Variants in TRMT9B observed in about 807,000 individuals in gnomAD.
TRMT9B encodes tRNA methyltransferase 9B (putative).
Under a neutral mutation model 11.5 loss-of-function variants are expected in TRMT9B, and 16 were observed. That is an observed-to-expected ratio of 1.39 (90% CI 0.94 to 2.11). TRMT9B has a LOEUF of 2.11. TRMT9B is among the 30% of genes most tolerant of loss of function. TRMT9B has a pLI of 0.00. For synonymous variants in TRMT9B, 274 were observed against 192.4 expected (o/e 1.42, Z -3.51); for missense variants, 941 against 553.8 (o/e 1.70, Z -7.02).
At chr8:12,972,208 T>C (rs1264290894) in intron 1 of TRMT9B, among the ~76,000 whole-genome samples, 2 of 152,152 alleles carry the variant, frequency 1.3e-5, no homozygotes, top group Admixed American at 1.3e-4. Flanking sequence ...GCCCCTGTGC[T>C]GAGAGGACAA....
intron 1 of TRMT9B, among the ~76,000 whole-genome samples, chr8:12,969,729 T>G (rs1439357251): frequency 6.6e-6 from 1 of 151,946 alleles, no homozygotes; most frequent in Admixed American, 6.6e-5. Flanking sequence ...TAGAGTGCAC[T>G]GGTACAATCA....
At chr8:12,997,076 G>A (rs977011860) in intron 2 of TRMT9B, among the ~76,000 whole-genome samples, 1 of 151,788 alleles carries the variant, frequency 6.6e-6, no homozygotes, top group Admixed American at 6.6e-5. Context: ...CCAACAGTGT[G>A]TATTCTTTTG....
At chr8:12,946,995 G>A (rs1800301541) in intron 1 of TRMT9B, among the ~76,000 whole-genome samples, 1 of 152,154 alleles carries the variant, frequency 6.6e-6, no homozygotes, top group Admixed American at 6.6e-5. Flanking sequence ...GAAGGGTTTA[G>A]GATTTAGGAG....
chr8:12,951,018 T>C (rs1446689220), intron 1 of TRMT9B, among the ~76,000 whole-genome samples: 1 of 152,188 alleles, frequency 6.6e-6, no homozygotes. Context: ...ACGGAGTTGT[T>C]TGATAATAGG....
At chr8:12,947,007 T>C (rs1304068094) in intron 1 of TRMT9B, among the ~76,000 whole-genome samples, 1 of 152,178 alleles carries the variant, frequency 6.6e-6, no homozygotes, top group Admixed American at 6.5e-5. Context: ...ATTTAGGAGA[T>C]GGCTACTGGG....
chr8:13,003,319 C>T (rs1265240341), intron 2 of TRMT9B, among the ~76,000 whole-genome samples: 1 of 152,132 alleles, frequency 6.6e-6, no homozygotes, highest in Non-Finnish European at 1.5e-5. Context: ...GGATACCACT[C>T]ACTCACATGC....
chr8:12,993,682 G>C (rs1807798120), intron 2 of TRMT9B, among the ~76,000 whole-genome samples: 1 of 152,212 alleles, frequency 6.6e-6, no homozygotes, highest in Non-Finnish European at 1.5e-5. Flanking sequence ...TATCTCAGCA[G>C]ATTCTTTTGC....
rs767660384 is a variant in TRMT9B, at chr8:13,021,656, C to T, written c.977C>T (p.Ala326Val). The T allele has an allele frequency of 6.2e-6, 10 of 1,613,592 alleles. No individual in the cohort carries two copies. The highest frequency in any genetic ancestry group is 3.3e-5 in the Admixed American group (2 of 59,990). Residue 326 changes from alanine (A) to valine (V), a missense_variant, in exon 5 of 5, where the codon GCA becomes GTA. Transcript: ENST00000524591. ...GGAAAACACTTGGAGTGGCTGAGAG[C>T]ACCAGGCACTCTGAAACATTTAAAT... is the stretch of plus-strand genomic sequence containing the variant. ...SSGKHLEWLRAPGTLKHLNGD... is the reference protein window; with the variant it reads ...SSGKHLEWLRVPGTLKHLNGD...
intron 1 of TRMT9B, among the ~76,000 whole-genome samples, chr8:12,985,006 C>T (rs1442411182): frequency 1.3e-5 from 2 of 151,654 alleles, no homozygotes; most frequent in Non-Finnish European, 2.9e-5. Context: ...CTCACACTCC[C>T]CACCCAGATG....
intron 1 of TRMT9B, among the ~76,000 whole-genome samples, chr8:12,954,544 A>G (rs950813789): frequency 3.9e-5 from 6 of 152,232 alleles, no homozygotes; most frequent in Admixed American, 1.3e-4. Context: ...GGTATAATGC[A>G]TTATTGAAAT....
At chr8:12,997,787 A>G (rs1394443273) in intron 2 of TRMT9B, among the ~76,000 whole-genome samples, 1 of 152,176 alleles carries the variant, frequency 6.6e-6, no homozygotes, top group African/African-American at 2.4e-5. Flanking sequence ...GCTGGGCCAT[A>G]GGCTATGCAT....
At position 13,007,854 on chromosome 8, in the gene TRMT9B, A is replaced by G. The variant is rs189097227; in HGVS notation, c.154+1498A>G. ...AATGAAGCAAAGATTTAAGTATAAG[A>G]AAATGAGCTCATTAAAGGACTAAAT... On this transcript the variant is annotated intron_variant, in intron 3 of 4. Transcript: ENST00000524591. 4.1e-3 allele frequency among the ~76,000 whole-genome samples: 630 copies of G among 152,330 alleles called. 7 individuals are homozygous for G. Among genetic ancestry groups the G allele is most frequent in the African/African-American group, 0.014 (565 of 41,568 alleles).
chr8:12,960,476 GA>G (rs1380353280), intron 1 of TRMT9B: 1 of 152,144 alleles, frequency 6.6e-6, no homozygotes, highest in Non-Finnish European at 1.5e-5. Flanking sequence ...ACTGAAAAAT[GA>G]ACAGGCAACT....
At position 13,021,276 on chromosome 8, in the gene TRMT9B, TTC is replaced by T; in HGVS notation, c.599_600del (p.Ser200CysfsTer4). 10 of 1,613,960 alleles carry T rather than the reference TTC, an allele frequency of 6.2e-6. No individual in the cohort carries two copies. Among genetic ancestry groups the T allele is most frequent in the Non-Finnish European group, 8.5e-6 (10 of 1,179,848 alleles). ...ATCCTCCTTGCTCTGAGTGTAGCTG[TTC>T]TGTTTGTTTTAAAGAGCAGTGTGGT... Reference protein sequence around the residue: ...YHPPCSECSCSVCFKEQCGSK... With the variant: ...YHPPCSECSCXVCFKEQCGSK... On this transcript the variant is annotated frameshift_variant, in exon 5 of 5. Coordinates refer to ENST00000524591, the MANE Select transcript of TRMT9B (RefSeq NM_020844.3). LOFTEE classifies it low-confidence loss of function (END_TRUNC).
At chr8:13,006,767 C>T in intron 3 of TRMT9B, 1 of 639,314 alleles carries the variant, frequency 1.6e-6, no homozygotes, top group African/African-American at 1.9e-5. Context: ...CTCCCAGGTT[C>T]AACTGATTCT....
In TRMT9B at chr8:13,021,458, C is replaced by A; in HGVS notation, c.779C>A (p.Thr260Asn). The A allele has an allele frequency of 6.2e-7, 1 of 1,614,014 alleles. No homozygotes were observed. Among genetic ancestry groups the A allele is most frequent in the East Asian group, 2.2e-5 (1 of 44,894 alleles). Residue 260 changes from threonine to asparagine, a missense_variant, in exon 5 of 5, where the codon ACT becomes AAT. Thr to Asn is a moderately conservative substitution (Grantham distance 65). Transcript: ENST00000524591. The stretch of plus-strand genomic sequence containing the variant: ...TTCTCCAGATCTTTGGATGAATCGA[C>A]TCTGAGGAAGCAAATTGAAAGAGTA... ...WFFSRSLDES[T>N]LRKQIERVRP... is the part of the protein sequence containing the mutation.
chr8:12,969,021 G>C (rs889882889), intron 1 of TRMT9B, among the ~76,000 whole-genome samples: 3 of 152,202 alleles, frequency 2.0e-5, no homozygotes, highest in Non-Finnish European at 4.4e-5. Flanking sequence ...AGGCTAGCCT[G>C]ATCAACATGG....
chr8:13,010,903 A>G (rs1314007255), intron 3 of TRMT9B: 4 of 952,340 alleles, frequency 4.2e-6, no homozygotes, highest in Non-Finnish European at 5.0e-6. Context: ...TATTGGGAAC[A>G]GTGTGGCTAC....
At position 13,021,193 on chromosome 8, in the gene TRMT9B, T is replaced by A. The variant is rs187960372; in HGVS notation, c.514T>A (p.Ser172Thr). Residue 172 changes from serine (S) to threonine (T), a missense_variant, in exon 5 of 5, where the codon TCC (serine) becomes ACC (threonine). Coordinates refer to ENST00000524591, the MANE Select transcript of TRMT9B (RefSeq NM_020844.3). ...RALCSQLFSESSQSGRKRQCG... is the reference protein window; with the variant it reads ...RALCSQLFSETSQSGRKRQCG... ...TCTGTGTTCCCAGCTCTTCTCAGAG[T>A]CCAGCCAGTCTGGGAGGAAGAGGCA... 11 of 1,613,756 alleles carry A rather than the reference T, an allele frequency of 6.8e-6. No individual in the cohort carries two copies. The Admixed American group carries it at 1.0e-4, about 15-fold the overall frequency.
Sources: allele counts gnomAD v4.1 joint callset (sites outside exome capture counted in the v4.1 genomes callset), GRCh38; gene constraint gnomAD v4.1.1; transcripts MANE v1.5; gene names NCBI Gene and HGNC (gene_info 2026-07-23, HGNC 2026-07-21).